GLDC: variants seen among roughly 807,000 people sequenced by gnomAD.
GLDC encodes the protein glycine decarboxylase.
Under a neutral mutation model 121.3 loss-of-function variants are expected in GLDC, and 104 were observed. The observed-to-expected ratio is 0.86, with a 90% CI of 0.73 to 1.01. The LOEUF (loss-of-function observed/expected upper bound fraction) is 1.01, where lower values mean the gene tolerates loss of function less well. Among genes scored for constraint, GLDC ranks in the 50% least tolerant of loss-of-function variants. GLDC has a pLI of 0.00. For missense variants in GLDC, 1,429 were observed against 1,306.6 expected, an observed-to-expected ratio of 1.09 and a Z score of -1.44; for synonymous variants, 546 against 480.6, an observed-to-expected ratio of 1.14 and a Z score of -1.78.
chr9:6,599,542 G>T lies in GLDC; in HGVS notation c.1155+2567C>A, dbSNP rs1818557785. Among the ~76,000 whole-genome samples the T allele has an allele frequency of 2.6e-5, 4 of 151,952 alleles. No individual in the cohort carries two copies. In the South Asian group the frequency reaches 8.3e-4, roughly 31 times the overall value. On this transcript the variant is annotated intron_variant, in intron 8 of 24. Transcript: ENST00000321612. ...TCGAGACCAGCCTGACCAACATGGT[G>T]AAACCCTGTCTCTACTAAAAATAGA...
At chr9:6,627,932 C>T (rs571579705) in intron 2 of GLDC, among the ~76,000 whole-genome samples, 5 of 152,260 alleles carry the variant, frequency 3.3e-5, no homozygotes, top group African/African-American at 1.2e-4. Flanking sequence ...GGAGAACAAA[C>T]CCAGTGTACC....
intron 15 of GLDC, among the ~76,000 whole-genome samples, chr9:6,573,567 A>T (rs187217885): frequency 2.6e-5 from 4 of 152,096 alleles, no homozygotes; most frequent in African/African-American, 7.2e-5. Flanking sequence ...AGCGACCCCC[A>T]TCCATCCTAC....
intron 2 of GLDC, among the ~76,000 whole-genome samples, chr9:6,637,007 C>A (rs1248558554): frequency 6.6e-6 from 1 of 152,072 alleles, no homozygotes; most frequent in African/African-American, 2.4e-5. Flanking sequence ...TTGCTTGAAC[C>A]CAGGAGGCGG....
intron 21 of GLDC, among the ~76,000 whole-genome samples, chr9:6,548,890 T>C (rs778806427): frequency 3.3e-5 from 5 of 151,764 alleles, no homozygotes; most frequent in Non-Finnish European, 7.4e-5. Flanking sequence ...CATGTTGTTT[T>C]CATAGTTAAA....
intron 8 of GLDC, among the ~76,000 whole-genome samples, chr9:6,600,599 G>C (rs1426893772): frequency 6.6e-6 from 1 of 151,850 alleles, no homozygotes; most frequent in Non-Finnish European, 1.5e-5. Context: ...GAACCCAGGA[G>C]GCAGAGGTTG....
chr9:6,627,342 A>T (rs1288900383), intron 2 of GLDC, among the ~76,000 whole-genome samples: 8 of 151,974 alleles, frequency 5.3e-5, no homozygotes, highest in Non-Finnish European at 1.2e-4. Flanking sequence ...AAAGAACAAA[A>T]TATTAATTAT....
chr9:6,589,528 C>A (rs1482647880), intron 11 of GLDC, among the ~76,000 whole-genome samples: 1 of 152,130 alleles, frequency 6.6e-6, no homozygotes, highest in Non-Finnish European at 1.5e-5. Context: ...CCCTACTGGG[C>A]TCAATCCTCC....
At chr9:6,555,357 A>C (rs1817602457) in intron 18 of GLDC, among the ~76,000 whole-genome samples, 1 of 152,196 alleles carries the variant, frequency 6.6e-6, no homozygotes, top group Non-Finnish European at 1.5e-5. Flanking sequence ...GGGTGTTAGG[A>C]CTAATTTTGA....
intron 3 of GLDC, among the ~76,000 whole-genome samples, chr9:6,618,297 A>G (rs1244202477): frequency 6.6e-6 from 1 of 152,116 alleles, no homozygotes; most frequent in Non-Finnish European, 1.5e-5. Flanking sequence ...TTCCTCCTCC[A>G]CAGTTAGACA....
chr9:6,645,119 C>T, intron 1 of GLDC, 126 bp downstream of exon 1: 1 of 980,594 alleles, frequency 1.0e-6, no homozygotes, highest in African/African-American at 1.6e-5. Flanking sequence ...ACGCCACGGC[C>T]CGGGACCCAG....
intron 8 of GLDC, among the ~76,000 whole-genome samples, chr9:6,601,347 A>C (rs1818606714): frequency 6.6e-6 from 1 of 152,064 alleles, no homozygotes; most frequent in African/African-American, 2.4e-5. Context: ...CACCCATAAC[A>C]AACCTGGCCC....
At chr9:6,580,016 C>A (rs746779631) in intron 15 of GLDC, among the ~76,000 whole-genome samples, 2 of 152,242 alleles carry the variant, frequency 1.3e-5, no homozygotes, top group Non-Finnish European at 2.9e-5. Flanking sequence ...TCCTCATCTA[C>A]AAAGGCTAGA....
chr9:6,574,332 T>C (rs1818021438), intron 15 of GLDC, among the ~76,000 whole-genome samples: 1 of 151,960 alleles, frequency 6.6e-6, no homozygotes, highest in South Asian at 2.1e-4. Context: ...CTGGGCGTGG[T>C]GGCGGGTGCC....
chr9:6,541,969 C>A (rs1031286182), intron 21 of GLDC: 3 of 151,196 alleles, frequency 2.0e-5, no homozygotes, highest in Non-Finnish European at 2.9e-5. Context: ...GGGCCAGGCG[C>A]GGTGGCTCAA....
chr9:6,556,159 A>T lies in GLDC; in HGVS notation c.2196T>A (p.Asn732Lys), dbSNP rs386833544. ...GGGCCTCTTCAGTTCCCACCTGAGC[A>T]TTCATATTTGCCCCGTCTAGGTAGA... ...GQVYLDGANM[N>K]AQVGICRPGD... The change falls in exon 18 of 25, where the codon AAT (asparagine) becomes AAA (lysine). Residue 732 changes from asparagine to lysine, a missense_variant. Physicochemically the swap from Asn to Lys is moderately conservative, Grantham distance 94 (BLOSUM62 0). Coordinates refer to ENST00000321612, the MANE Select transcript of GLDC (RefSeq NM_000170.3). The T allele has an allele frequency of 6.2e-7, 1 of 1,611,920 alleles. No individual in the cohort carries two copies. Among genetic ancestry groups the T allele is most frequent in the Admixed American group, 1.7e-5 (1 of 59,974 alleles).
At chr9:6,533,395 G>C (rs1446338129) in intron 24 of GLDC, among the ~76,000 whole-genome samples, 1 of 152,180 alleles carries the variant, frequency 6.6e-6, no homozygotes, top group East Asian at 1.9e-4. Context: ...ATCTGGACCA[G>C]TTTATAGCAA....
At chr9:6,581,188 C>T (rs979834451) in intron 15 of GLDC, among the ~76,000 whole-genome samples, 1 of 152,198 alleles carries the variant, frequency 6.6e-6, no homozygotes, top group South Asian at 2.1e-4. Context: ...CCTTCCCGGG[C>T]AACGAAGGAG....
intron 3 of GLDC, among the ~76,000 whole-genome samples, chr9:6,618,703 C>T (rs1456745501): frequency 6.6e-6 from 1 of 152,114 alleles, no homozygotes; most frequent in Non-Finnish European, 1.5e-5. Context: ...AGGAGAAATG[C>T]TTTCAGTGTT....
chr9:6,595,286 A>T (rs1818469924), intron 8 of GLDC, among the ~76,000 whole-genome samples, 167 bp from the exon 9 acceptor site: 1 of 152,222 alleles, frequency 6.6e-6, no homozygotes. Flanking sequence ...CTGCCTGACT[A>T]CCTGAAAGGA....
Sources: allele counts gnomAD v4.1 joint callset (sites outside exome capture counted in the v4.1 genomes callset), GRCh38; gene constraint gnomAD v4.1.1; transcripts MANE v1.5; gene names NCBI Gene and HGNC (gene_info 2026-07-23, HGNC 2026-07-21).